FCHO1: variants seen among roughly 807,000 people sequenced by gnomAD.
FCHO1 encodes F-BAR domain only protein 1.
Under a neutral mutation model 114.4 loss-of-function variants are expected in FCHO1, and 45 were observed. The ratio of observed to expected loss-of-function variants is 0.39; its 90% CI spans 0.31 to 0.50. FCHO1 has a LOEUF of 0.50. FCHO1 is among the 20% of genes least tolerant of loss of function. FCHO1 has a pLI of 0.77. For synonymous variants in FCHO1, 480 were observed against 488.9 expected, an observed-to-expected ratio of 0.98 and a Z score of 0.24; for missense variants, 1,042 against 1,209.6, an observed-to-expected ratio of 0.86 and a Z score of 2.06.
rs931937791 is a variant in FCHO1, at chr19:17,775,148, A to G, written c.945+68A>G. The G allele has an allele frequency of 6.5e-7, 1 of 1,531,686 alleles. No individual in the cohort carries two copies. Among genetic ancestry groups the G allele is most frequent in the African/African-American group, 1.4e-5 (1 of 72,922 alleles). The allele number at this position is 1,531,686 out of a possible 1,614,324, so 94.9% of individuals were successfully genotyped here. A position where few individuals can be genotyped will look rare whatever the true frequency, so the allele number is the denominator to read the frequency against. ...GAGTTTGATCCCACTCTTGGCTCCTAGAGTCCCGATCCCTACTGGAAACTA... is the reference window on the plus strand; with the variant it reads ...GAGTTTGATCCCACTCTTGGCTCCTGGAGTCCCGATCCCTACTGGAAACTA... On this transcript the variant is annotated intron_variant, in intron 14 of 28. Transcript: ENST00000596536. The surrounding 1 kb of genome is among the most constrained non-coding windows in gnomAD (Gnocchi z 5.1).
In FCHO1 at chr19:17,776,042, C is replaced by T. The variant is rs143922675; in HGVS notation, c.1063C>T (p.Arg355Cys). ...SDSDFDDEEP[R>C]KFYVHIKPAP... Reference sequence around the variant, plus strand: ...CTCCGACTTCGACGATGAAGAGCCCCGCAAGTTCTATGTGCACATCAAGCC... The same window carrying T: ...CTCCGACTTCGACGATGAAGAGCCCTGCAAGTTCTATGTGCACATCAAGCC... The change falls in exon 16 of 29, where the codon CGC becomes TGC. Residue 355 changes from arginine to cysteine, a missense_variant. Physicochemically the swap from Arg to Cys is radical, Grantham distance 180. Around this residue, in one of 3 missense-constraint regions of FCHO1, gnomAD observed 450 missense variants for 564.1 expected, o/e 0.80. Coordinates refer to ENST00000596536, the MANE Select transcript of FCHO1 (RefSeq NM_015122.3). The surrounding 1 kb of genome is among the most constrained non-coding windows in gnomAD (Gnocchi z 4.4). 3.4e-5 allele frequency: 54 copies of T among 1,610,486 alleles called. No homozygotes were observed. The African/African-American group carries it at 6.1e-4, about 18-fold the overall frequency.
chr19:17,755,058 T>A, intron 3 of FCHO1, 60 bp from the exon 4 acceptor site: 1 of 1,051,484 alleles, frequency 9.5e-7, no homozygotes, highest in Non-Finnish European at 1.5e-6. Context: ...GGAGGGACTT[T>A]CCCCCCACCA....
upstream of FCHO1, among the ~76,000 whole-genome samples, chr19:17,749,476 G>A (rs2081392779): frequency 6.6e-6 from 1 of 152,146 alleles, no homozygotes; most frequent in Non-Finnish European, 1.5e-5. Flanking sequence ...GGGGAAGGGG[G>A]AGTCTATCAA....
rs189833366 is a variant in FCHO1 at position 17,775,486 on chromosome 19, A to T, written c.976A>T (p.Thr326Ser). ...TCPEVDEEGF[T>S]VRPDVTQNST... ...TCCAGAGGTGGATGAAGAAGGTTTC[A>T]CTGTCCGGCCTGATGTGACCCAGAA... Residue 326 changes from threonine to serine, a missense_variant, in exon 15 of 29, where the codon ACT becomes TCT. By Grantham distance (58) the Thr-to-Ser change is moderately conservative. This residue lies in a region of FCHO1 where 450 missense variants were observed against 564.1 expected (regional missense o/e 0.80). Transcript: ENST00000596536. The surrounding 1 kb of genome is among the most constrained non-coding windows in gnomAD (Gnocchi z 5.1). 243 of 1,613,942 alleles carry T rather than the reference A, an allele frequency of 1.5e-4. 2 individuals are homozygous for T. The East Asian group carries it at 3.0e-3, about 20-fold the overall frequency.
chr19:17,776,589 T>G lies in FCHO1; in HGVS notation c.1208-46T>G. ...CCTTGGTCTGTGGAGTGGGGAGCAT[T>G]GCAGGCAGGGTGACAAGAAGGCTGA... is the stretch of plus-strand genomic sequence containing the variant. On this transcript the variant is annotated intron_variant, in intron 17 of 28. Transcript: ENST00000596536. The surrounding 1 kb of genome is among the most constrained non-coding windows in gnomAD (Gnocchi z 4.4). 1 of 1,609,352 alleles carries G rather than the reference T, an allele frequency of 6.2e-7. No individual in the cohort carries two copies. The highest frequency in any genetic ancestry group is 1.3e-5 in the African/African-American group (1 of 74,890).
At chr19:17,756,580 G>A (rs1439503671) in intron 4 of FCHO1, among the ~76,000 whole-genome samples, 1 of 152,088 alleles carries the variant, frequency 6.6e-6, no homozygotes, top group African/African-American at 2.4e-5. Context: ...AAGCCCTTGA[G>A]CAAATGACTT....
intron 24 of FCHO1, 152 bp from the exon 25 acceptor site, chr19:17,783,951 C>T: frequency 1.1e-6 from 1 of 892,918 alleles, no homozygotes; most frequent in Non-Finnish European, 1.7e-6. Flanking sequence ...TCCATCCCTC[C>T]TTTACTGCCC....
intron 27 of FCHO1, among the ~76,000 whole-genome samples, chr19:17,786,919 A>AAAAC (rs1212378888): frequency 5.9e-5 from 9 of 151,770 alleles, no homozygotes; most frequent in African/African-American, 1.9e-4. Flanking sequence ...CTCTGACTCA[A>AAAAC]AAACAAACAA....
rs753935822 is a variant in FCHO1 at position 17,776,272 on chromosome 19, G to A, written c.1207+1G>A. ...GGCACCATGAAACGCCATTCTTCACGTGAGTAGCCTTTGGTCTTCAGAGTG... is the reference window on the plus strand; with the variant it reads ...GGCACCATGAAACGCCATTCTTCACATGAGTAGCCTTTGGTCTTCAGAGTG... On this transcript the variant is annotated splice_donor_variant, in intron 17 of 28. Transcript: ENST00000596536. LOFTEE classifies it high-confidence loss of function. This position sits in a 1 kb window ranked among gnomAD's most constrained non-coding sequence, Gnocchi z 4.4. 4.3e-6 allele frequency: 7 copies of A among 1,614,086 alleles called. No homozygotes were observed. The highest frequency in any genetic ancestry group is 1.7e-5 in the Admixed American group (1 of 59,992).
At chr19:17,753,583 C>G (rs2082549016) in intron 1 of FCHO1, 1 of 152,242 alleles carries the variant, frequency 6.6e-6, no homozygotes, top group African/African-American at 2.4e-5. Flanking sequence ...TTGTTCTAGT[C>G]TGGGTGAGCA....
At position 17,770,410 on chromosome 19, in the gene FCHO1, C is replaced by G. The variant is rs2091154053; in HGVS notation, c.337-15C>G. ...ATTTCACAGTCTACCCATGAAATCC[C>G]CTCCTACCCCGCAGTGCAAGGAGGA... On this transcript the variant is annotated splice_polypyrimidine_tract_variant and intron_variant, in intron 7 of 28. Transcript: ENST00000596536. The G allele has an allele frequency of 6.3e-7, 1 of 1,594,492 alleles. No individual in the cohort carries two copies. Among genetic ancestry groups the G allele is most frequent in the African/African-American group, 1.3e-5 (1 of 74,650 alleles).
chr19:17,771,044 A>G (rs1461063980), intron 9 of FCHO1, 148 bp downstream of exon 9: 1 of 608,124 alleles, frequency 1.6e-6, no homozygotes, highest in Non-Finnish European at 2.8e-6. Context: ...ACCTGAGGTC[A>G]GGAGTTTGAG....
intron 20 of FCHO1, among the ~76,000 whole-genome samples, chr19:17,780,203 TGCCCGGGCTGGAGTGCA>T (rs1413489087): frequency 2.0e-5 from 3 of 150,238 alleles, no homozygotes; most frequent in Non-Finnish European, 3.0e-5. Context: ...TTGCTCTTGT[TGCCCGGGCTGGAGTGCA>T]GTGGTGTGAT....
At position 17,776,095 on chromosome 19, in the gene FCHO1, C is replaced by T. The variant is rs1208245437; in HGVS notation, c.1116C>T (p.Ser372=). 6.2e-7 allele frequency: 1 copy of T among 1,612,454 alleles called. No homozygotes were observed. The highest frequency in any genetic ancestry group is 8.5e-7 in the Non-Finnish European group (1 of 1,179,908). ...KPAPARAPAC[S]PEAAAAQLRA... ...CCCCGGCCCGGGCTCCAGCCTGCAGCCCCGAGGCAGCAGCGGCACAGCTCA... is the reference window on the plus strand; with the variant it reads ...CCCCGGCCCGGGCTCCAGCCTGCAGTCCCGAGGCAGCAGCGGCACAGCTCA... Residue 372 remains serine (S), a synonymous_variant, in exon 16 of 29, where the codon AGC becomes AGT. Transcript: ENST00000596536. This position sits in a 1 kb window ranked among gnomAD's most constrained non-coding sequence, Gnocchi z 4.4.
intron 26 of FCHO1, among the ~76,000 whole-genome samples, chr19:17,786,098 C>T (rs1458431394): frequency 6.6e-6 from 1 of 152,134 alleles, no homozygotes; most frequent in East Asian, 1.9e-4. Context: ...CTTTGGAAGG[C>T]CAAGGCAGGT....
At position 17,784,590 on chromosome 19, in the gene FCHO1, C is replaced by T. The variant is rs2093705537; in HGVS notation, c.2227-135C>T. ...AACCTGGTGTAATACAGCCTCTCATCCATCAAATCTCCCTGTGACTGGACC... is the reference window on the plus strand; with the variant it reads ...AACCTGGTGTAATACAGCCTCTCATTCATCAAATCTCCCTGTGACTGGACC... On this transcript the variant is annotated intron_variant, in intron 25 of 28. Coordinates refer to ENST00000596536, the MANE Select transcript of FCHO1 (RefSeq NM_015122.3). This position sits in a 1 kb window ranked among gnomAD's most constrained non-coding sequence, Gnocchi z 5.3. 1.2e-6 allele frequency: 1 copy of T among 839,774 alleles called. No individual in the cohort carries two copies. The highest frequency in any genetic ancestry group is 1.4e-5 in the South Asian group (1 of 68,980). The allele number at this position is 839,774 out of a possible 1,614,324, so 52.0% of individuals were successfully genotyped here.
Position 17,770,901 on chromosome 19 carries a change from G to C in FCHO1, c.594+5G>C. The C allele has an allele frequency of 1.9e-6, 3 of 1,611,720 alleles. No homozygotes were observed. Among genetic ancestry groups the C allele is most frequent in the Non-Finnish European group, 2.5e-6 (3 of 1,178,128 alleles). ...AAGATGCTGGACTCAGCCCTGGTAA[G>C]AACCAGGCATCTGTACCTTTAAGAC... On this transcript the variant is annotated splice_donor_5th_base_variant and intron_variant, in intron 9 of 28. Transcript: ENST00000596536.
At position 17,778,243 on chromosome 19, in the gene FCHO1, G is replaced by A; in HGVS notation, c.1351+15G>A. 6.3e-7 allele frequency: 1 copy of A among 1,599,736 alleles called. No homozygotes were observed. The highest frequency in any genetic ancestry group is 8.6e-7 in the Non-Finnish European group (1 of 1,167,226). ...AGATTTTACAGGTGATGGGGATAAG[G>A]GATTGGAGGGCATGGGTGTGGCCGG... On this transcript the variant is annotated intron_variant, in intron 19 of 28. Transcript: ENST00000596536.
intron 4 of FCHO1, among the ~76,000 whole-genome samples, chr19:17,757,785 G>A (rs574972883): frequency 9.6e-4 from 146 of 151,706 alleles, no homozygotes; most frequent in Admixed American, 1.7e-3. Flanking sequence ...GTGTGGTGGC[G>A]CGCACCTGTG....
Sources: allele counts gnomAD v4.1 joint callset (sites outside exome capture counted in the v4.1 genomes callset), GRCh38; gene constraint gnomAD v4.1.1; regional missense constraint gnomAD v4.1.1; non-coding constraint Gnocchi (gnomAD v3.1); transcripts MANE v1.5; gene names NCBI Gene and HGNC (gene_info 2026-07-23, HGNC 2026-07-21).